Variants in MEI1 observed in about 807,000 individuals in gnomAD.
The protein encoded by MEI1 is meiotic double-stranded break formation protein 1, also known as meiosis inhibitor protein 1.
A neutral mutation model predicts 146.2 loss-of-function variants in MEI1; 103 were observed. The observed-to-expected ratio is 0.70, with a 90% CI of 0.60 to 0.83. The LOEUF (loss-of-function observed/expected upper bound fraction) is 0.83, where lower values mean the gene tolerates loss of function less well. MEI1 is among the 40% of genes least tolerant of loss of function. The pLI is 0.00. For missense variants in MEI1, 1,529 were observed against 1,533.0 expected (o/e 1.00, Z 0.04); for synonymous variants, 652 against 628.2 (o/e 1.04, Z -0.57).
At chr22:41,785,475 G>T (rs1363919831) in intron 26 of MEI1, among the ~76,000 whole-genome samples, 1 of 150,892 alleles carries the variant, frequency 6.6e-6, no homozygotes, top group Non-Finnish European at 1.5e-5. Flanking sequence ...TGTTAGCCAG[G>T]ATGGTCTTGA....
At position 41,762,825 on chromosome 22, in the gene MEI1, C is replaced by T. The variant is rs188129014; in HGVS notation, c.2121-349C>T. Among the ~76,000 whole-genome samples, 497 of 152,076 alleles carry T rather than the reference C, an allele frequency of 3.3e-3. 1 individual carries two copies. The highest frequency in any genetic ancestry group is 5.6e-3 in the South Asian group (27 of 4,820). ...ATACACCACTGTTTAATGATAAATA[C>T]AAGAAGAGAGGGGTGGAGCAGCTGC... is the stretch of plus-strand genomic sequence containing the variant. On this transcript the variant is annotated intron_variant, in intron 18 of 30. Coordinates refer to ENST00000401548, the MANE Select transcript of MEI1 (RefSeq NM_152513.4).
chr22:41,717,666 A>C (rs936854109), intron 5 of MEI1, among the ~76,000 whole-genome samples: 4 of 129,630 alleles, frequency 3.1e-5, no homozygotes, highest in African/African-American at 6.1e-5. Flanking sequence ...CCTAGGCTGG[A>C]GTGTGGTGGC....
In MEI1 at chr22:41,799,443, G is replaced by A; in HGVS notation, c.*144G>A. On this transcript the variant is annotated 3_prime_UTR_variant, in exon 31 of 31. Transcript: ENST00000401548. ...TTGAAATAGAATAAGGAAATAAAATGATACACTCACATACCTGCGCGAGCT... is the reference window on the plus strand; with the variant it reads ...TTGAAATAGAATAAGGAAATAAAATAATACACTCACATACCTGCGCGAGCT... 1 of 759,430 alleles carries A rather than the reference G, an allele frequency of 1.3e-6. No individual in the cohort carries two copies. The highest frequency in any genetic ancestry group is 2.2e-6 in the Non-Finnish European group (1 of 464,484). The allele number at this position is 759,430 out of a possible 1,614,324, so 47.0% of individuals were successfully genotyped here.
At chr22:41,701,309 C>G (rs1402519007) in intron 1 of MEI1, among the ~76,000 whole-genome samples, 1 of 151,920 alleles carries the variant, frequency 6.6e-6, no homozygotes, top group Non-Finnish European at 1.5e-5. Flanking sequence ...CTCAAAAACT[C>G]CACTGTACAC....
Position 41,770,779 on chromosome 22 carries a change from T to C in MEI1, c.2362T>C (p.Leu788=). ...TCCGCTCCTGCTCAGGTTCTTTCTG[T>C]TGTATCCAGAGCTCATGAGTAGGTA... ...HHPLLLRFFL[L]YPELMSRYGH... The change falls in exon 20 of 31, where the codon TTG becomes CTG. Residue 788 remains leucine, a synonymous_variant. Coordinates refer to ENST00000401548, the MANE Select transcript of MEI1 (RefSeq NM_152513.4). 6.2e-7 allele frequency: 1 copy of C among 1,613,988 alleles called. No individual in the cohort carries two copies. The highest frequency in any genetic ancestry group is 8.5e-7 in the Non-Finnish European group (1 of 1,179,888).
At chr22:41,752,673 A>AT in intron 16 of MEI1, 22 bp downstream of exon 16, 2 of 1,580,440 alleles carry the variant, frequency 1.3e-6, no homozygotes, top group Non-Finnish European at 1.7e-6. Context: ...CCCAGGCAAG[A>AT]TTGAGTGGCC....
In MEI1 at chr22:41,768,850, G is replaced by A. The variant is rs147145595; in HGVS notation, c.2269-1836G>A. ...TATAATTTGGACATGAGATTTGGGC[G>A]GGGACACAAATCCAAATCATATCAA... On this transcript the variant is annotated intron_variant, in intron 19 of 30. Coordinates refer to ENST00000401548, the MANE Select transcript of MEI1 (RefSeq NM_152513.4). Among the ~76,000 whole-genome samples the A allele has an allele frequency of 3.3e-5, 5 of 152,278 alleles. No individual in the cohort carries two copies. In the East Asian group the frequency reaches 7.7e-4, roughly 24 times the overall value.
In MEI1 at chr22:41,780,937, A is replaced by G. The variant is rs1289112121; in HGVS notation, c.2816-347A>G. Among the ~76,000 whole-genome samples, 4 of 152,256 alleles carry G rather than the reference A, an allele frequency of 2.6e-5. No individual in the cohort carries two copies. In the South Asian group the frequency reaches 6.2e-4, roughly 24 times the overall value. On this transcript the variant is annotated intron_variant, in intron 22 of 30. Coordinates refer to ENST00000401548, the MANE Select transcript of MEI1 (RefSeq NM_152513.4). ...CAAGAGGAGTTAGCTAAATGAAGTG[A>G]TGTGAGAGAGGGGATGTGGCAAGTG...
chr22:41,790,560 T>C (rs563740338), intron 26 of MEI1, among the ~76,000 whole-genome samples: 1 of 152,158 alleles, frequency 6.6e-6, no homozygotes, highest in East Asian at 1.9e-4. Context: ...TATATGATAG[T>C]GGTTTACATT....
intron 2 of MEI1, among the ~76,000 whole-genome samples, chr22:41,703,668 TAGTAAA>T (rs1312439436): frequency 1.3e-5 from 2 of 152,124 alleles, no homozygotes; most frequent in Non-Finnish European, 2.9e-5. Context: ...GCCAAGAAGT[TAGTAAA>T]AGTAAGAAGA....
At chr22:41,774,520 A>T (rs990650215) in intron 20 of MEI1, 1 of 152,094 alleles carries the variant, frequency 6.6e-6, no homozygotes, top group Non-Finnish European at 1.5e-5. Flanking sequence ...AATTATCTAG[A>T]TTCTCTCTAG....
At position 41,785,324 on chromosome 22, in the gene MEI1, G is replaced by A. The variant is rs557069203; in HGVS notation, c.3345+541G>A. On this transcript the variant is annotated intron_variant, in intron 26 of 30. Transcript: ENST00000401548. Reference sequence around the variant, plus strand: ...GTCGCCCAGGCTGGTGTGTGGTGGCGTGATCTCGACTCACTGCAAGCTCTG... The same window carrying A: ...GTCGCCCAGGCTGGTGTGTGGTGGCATGATCTCGACTCACTGCAAGCTCTG... 5.3e-5 allele frequency among the ~76,000 whole-genome samples: 8 copies of A among 151,056 alleles called. No homozygotes were observed. The East Asian group carries it at 7.8e-4, about 15-fold the overall frequency.
At chr22:41,703,233 T>C in intron 1 of MEI1, 98 bp from the exon 2 acceptor site, 1 of 1,324,322 alleles carries the variant, frequency 7.6e-7, no homozygotes, top group East Asian at 2.4e-5. Context: ...AAATGATCCC[T>C]TGTATCATCT....
intron 19 of MEI1, among the ~76,000 whole-genome samples, chr22:41,767,361 C>T (rs1019274463): frequency 2.0e-5 from 3 of 152,208 alleles, no homozygotes; most frequent in Non-Finnish European, 4.4e-5. Context: ...GCGAGATCTC[C>T]TTCCCTTTCT....
intron 3 of MEI1, among the ~76,000 whole-genome samples, chr22:41,710,312 T>A (rs1198253670): frequency 1.3e-5 from 2 of 152,184 alleles, no homozygotes; most frequent in Non-Finnish European, 2.9e-5. Context: ...TTCTGTTGTT[T>A]AAGCCATCCA....
intron 15 of MEI1, among the ~76,000 whole-genome samples, chr22:41,749,740 G>A (rs955172318): frequency 6.6e-6 from 1 of 152,210 alleles, no homozygotes; most frequent in African/African-American, 2.4e-5. Context: ...ACTCAGGTTG[G>A]TGGTAGGAAC....
At chr22:41,793,771 G>A in intron 26 of MEI1, 58 bp from the exon 27 acceptor site, 4 of 1,429,282 alleles carry the variant, frequency 2.8e-6, no homozygotes, top group South Asian at 2.6e-5. Flanking sequence ...TTTCTTGGTT[G>A]GCACCAAAAG....
At position 41,732,258 on chromosome 22, in the gene MEI1, G is replaced by C. The variant is rs372812583; in HGVS notation, c.1110G>C (p.Val370=). ...KCHTVYGIEA[V]VRSLQGSLKM... ...ATCCTGTGGTAGGGATCGAGGCAGT[G>C]GTGAGGAGCCTGCAGGGAAGCCTGA... The change falls in exon 10 of 31, where the codon GTG becomes GTC. Residue 370 remains valine (V), a synonymous_variant. Coordinates refer to ENST00000401548, the MANE Select transcript of MEI1 (RefSeq NM_152513.4). 5.6e-6 allele frequency: 9 copies of C among 1,610,366 alleles called. No homozygotes were observed. The African/African-American group carries it at 1.2e-4, about 22-fold the overall frequency.
chr22:41,785,968 T>A (rs2075967820), intron 26 of MEI1, among the ~76,000 whole-genome samples: 1 of 143,322 alleles, frequency 7.0e-6, no homozygotes, highest in Admixed American at 7.4e-5. Context: ...TGGAGTGCAG[T>A]GGCGCGATCT....
Sources: allele counts gnomAD v4.1 joint callset (sites outside exome capture counted in the v4.1 genomes callset), GRCh38; gene constraint gnomAD v4.1.1; transcripts MANE v1.5; gene names NCBI Gene and HGNC (gene_info 2026-07-23, HGNC 2026-07-21).